The following NAALADL2 variants were observed in gnomAD, a reference collection of about 807,000 sequenced individuals.
NAALADL2 encodes inactive N-acetylated-alpha-linked acidic dipeptidase-like protein 2.
In NAALADL2, 76 loss-of-function variants were observed where a neutral mutation model predicts 87.2. That is an observed-to-expected ratio of 0.87 (90% confidence interval 0.72 to 1.05). The LOEUF (loss-of-function observed/expected upper bound fraction) is 1.05, where lower values mean the gene tolerates loss of function less well. Ranked by LOEUF, NAALADL2 falls within the 50% of genes least tolerant of loss-of-function variation. The pLI is 0.00. For missense variants in NAALADL2, 1,089 were observed against 945.8 expected (o/e 1.15, Z -1.99); for synonymous variants, 354 against 331.0 (o/e 1.07, Z -0.75).
At position 175,278,163 on chromosome 3, in the gene NAALADL2, ATAT is replaced by A. The variant is rs199886598; in HGVS notation, c.939+21638_939+21640del. Among the ~76,000 whole-genome samples the A allele has an allele frequency of 3.6e-3, 541 of 152,214 alleles. 4 individuals carry two copies. The highest frequency in any genetic ancestry group is 0.012 in the African/African-American group (498 of 41,520). On this transcript the variant is annotated intron_variant, in intron 4 of 13. Transcript: ENST00000454872. ...AATAATAATTTAGTGCATTTGTGTG[ATAT>A]TATTTGGTATATGAATTCCCTACTA...
intron 2 of NAALADL2, among the ~76,000 whole-genome samples, chr3:175,182,943 A>T (rs1028814420): frequency 6.6e-6 from 1 of 151,990 alleles, no homozygotes; most frequent in Non-Finnish European, 1.5e-5. Context: ...TAGTTACTAT[A>T]GCTTTGGAAT....
chr3:174,745,266 C>T (rs1734143031), intron 3 of NAALADL2, among the ~76,000 whole-genome samples: 1 of 151,984 alleles, frequency 6.6e-6, no homozygotes, highest in Non-Finnish European at 1.5e-5. Flanking sequence ...GGCATATCAC[C>T]ACTGACCCCA....
chr3:175,288,073 T>C (rs1004799754), intron 4 of NAALADL2, among the ~76,000 whole-genome samples: 5 of 152,136 alleles, frequency 3.3e-5, no homozygotes, highest in Non-Finnish European at 5.9e-5. Flanking sequence ...GATTCAGACA[T>C]GTCTACATGT....
At chr3:175,170,487 AAATAT>A (rs970693287) in intron 2 of NAALADL2, among the ~76,000 whole-genome samples, 4 of 147,216 alleles carry the variant, frequency 2.7e-5, no homozygotes, top group South Asian at 4.2e-4. Context: ...TATAATATAT[AAATAT>A]AATATATATA....
At chr3:174,528,633 C>G (rs1465337209) in intron 1 of NAALADL2, among the ~76,000 whole-genome samples, 2 of 152,138 alleles carry the variant, frequency 1.3e-5, no homozygotes, top group Non-Finnish European at 2.9e-5. Flanking sequence ...CTGATAAAGA[C>G]ATTCCTGACA....
At chr3:174,883,915 A>G (rs1315799392) in intron 1 of NAALADL2, among the ~76,000 whole-genome samples, 1 of 152,148 alleles carries the variant, frequency 6.6e-6, no homozygotes, top group Non-Finnish European at 1.5e-5. Flanking sequence ...CCTGTATTCC[A>G]TGCATACTCT....
In NAALADL2 at chr3:174,480,156, G is replaced by A. The variant is rs143479015; in HGVS notation, c.-184+39124G>A. ...TAAAAAATAGCAAGGAAGAGAGGAT[G>A]AGAGAATGAGGTCCAAGGTAAGGGA... is the stretch of plus-strand genomic sequence containing the variant. On this transcript the variant is annotated intron_variant, in intron 1 of 3. Transcript: ENST00000434257. 1.1e-3 allele frequency among the ~76,000 whole-genome samples: 163 copies of A among 152,196 alleles called. 6 individuals carry two copies. In the East Asian group the frequency reaches 0.03, roughly 28 times the overall value.
chr3:174,705,078 G>A (rs1188619309), intron 2 of NAALADL2, among the ~76,000 whole-genome samples: 1 of 152,132 alleles, frequency 6.6e-6, no homozygotes, highest in African/African-American at 2.4e-5. Context: ...ATGGGTGGCT[G>A]TTGTTTATTC....
intron 2 of NAALADL2, among the ~76,000 whole-genome samples, chr3:175,107,290 C>A (rs1723331941): frequency 6.6e-6 from 1 of 151,918 alleles, no homozygotes; most frequent in Admixed American, 6.6e-5. Context: ...TAAGGCTCAT[C>A]CAATCCATTG....
chr3:174,882,555 ATG>A (rs1168505041), intron 1 of NAALADL2, among the ~76,000 whole-genome samples: 1 of 149,816 alleles, frequency 6.7e-6, no homozygotes, highest in Non-Finnish European at 1.5e-5. Context: ...ATATGTACAT[ATG>A]TGTATATATA....
intron 2 of NAALADL2, among the ~76,000 whole-genome samples, chr3:174,721,507 G>A (rs540858226): frequency 2.9e-4 from 44 of 152,270 alleles, no homozygotes; most frequent in African/African-American, 1.0e-3. Context: ...TTTGAATGGC[G>A]ACTATCCTTA....
intron 1 of NAALADL2, among the ~76,000 whole-genome samples, chr3:174,965,264 T>C (rs761292693): frequency 6.6e-6 from 1 of 152,138 alleles, no homozygotes; most frequent in Non-Finnish European, 1.5e-5. Flanking sequence ...ACAGTGCTGG[T>C]ACCAACAGGG....
In NAALADL2 at chr3:175,683,160, T is replaced by G. The variant is rs73881348; in HGVS notation, c.1897-54146T>G. ...ACAATGTCTACATAGCCAAATATTTTCAAAACAAAAATAATAATTTAATAA... is the reference window on the plus strand; with the variant it reads ...ACAATGTCTACATAGCCAAATATTTGCAAAACAAAAATAATAATTTAATAA... On this transcript the variant is annotated intron_variant, in intron 11 of 13. Transcript: ENST00000454872. Among the ~76,000 whole-genome samples, 445 of 152,074 alleles carry G rather than the reference T, an allele frequency of 2.9e-3. 1 individual carries two copies. Among genetic ancestry groups the G allele is most frequent in the African/African-American group, 9.9e-3 (411 of 41,556 alleles).
chr3:175,803,184 T>C lies in NAALADL2; in HGVS notation c.2369T>C (p.Val790Ala). The change falls in exon 14 of 14, where the codon GTC becomes GCC. Residue 790 changes from valine to alanine, a missense_variant. Coordinates refer to ENST00000454872, the MANE Select transcript of NAALADL2 (RefSeq NM_207015.3). ...FKAGLDVFKS[V>A]LDGKN ...GCAGGACTTGATGTGTTCAAGAGTG[T>C]CTTGGATGGGAAGAATTGAGAAAAC... 1 of 1,600,958 alleles carries C rather than the reference T, an allele frequency of 6.2e-7. No individual in the cohort carries two copies. Among genetic ancestry groups the C allele is most frequent in the Non-Finnish European group, 8.5e-7 (1 of 1,173,322 alleles).
chr3:175,664,457 TGTA>T (rs1245476452), intron 11 of NAALADL2, among the ~76,000 whole-genome samples: 1 of 152,104 alleles, frequency 6.6e-6, no homozygotes, highest in Admixed American at 6.5e-5. Context: ...AAAAGCCAGT[TGTA>T]GTAGAGAAGC....
intron 1 of NAALADL2, among the ~76,000 whole-genome samples, chr3:174,472,712 T>C (rs1365111257): frequency 6.6e-6 from 1 of 152,192 alleles, no homozygotes; most frequent in African/African-American, 2.4e-5. Context: ...ATTTTAATTT[T>C]ACAGTCAAAT....
At chr3:174,882,629 GCA>G in intron 1 of NAALADL2, among the ~76,000 whole-genome samples, 1 of 88,614 alleles carries the variant, frequency 1.1e-5, no homozygotes, top group Admixed American at 1.3e-4. Context: ...GCATATATGT[GCA>G]TATACACATA....
intron 3 of NAALADL2, among the ~76,000 whole-genome samples, chr3:174,818,734 C>T (rs980401676): frequency 1.5e-4 from 23 of 152,160 alleles, no homozygotes; most frequent in Non-Finnish European, 2.2e-4. Context: ...ATTGATAGTG[C>T]ACACTCAAGA....
At chr3:174,850,976 A>G (rs866355244) in intron 3 of NAALADL2, among the ~76,000 whole-genome samples, 1 of 152,160 alleles carries the variant, frequency 6.6e-6, no homozygotes, top group Non-Finnish European at 1.5e-5. Context: ...AAACTCTACA[A>G]ACACTTGAAA....
Sources: allele counts gnomAD v4.1 joint callset (sites outside exome capture counted in the v4.1 genomes callset), GRCh38; gene constraint gnomAD v4.1.1; transcripts MANE v1.5; gene names NCBI Gene and HGNC (gene_info 2026-07-23, HGNC 2026-07-21).